PIEZO2: variants seen among roughly 807,000 people sequenced by gnomAD.
The protein encoded by PIEZO2 is piezo-type mechanosensitive ion channel component 2.
PIEZO2 carries 172 observed loss-of-function variants against 337.3 expected under a neutral mutation model. The observed-to-expected ratio is 0.51, with a 90% CI of 0.45 to 0.58. The LOEUF is 0.58. PIEZO2 is among the 20% of genes least tolerant of loss of function. The pLI, the probability that PIEZO2 is intolerant of heterozygous loss-of-function variation, is 0.00. For missense variants in PIEZO2, 3,028 were observed against 3,391.3 expected (o/e 0.89, Z 2.66); for synonymous variants, 1,251 against 1,228.5 (o/e 1.02, Z -0.38).
At chr18:11,137,624 T>C (rs1316647868) in intron 1 of PIEZO2, among the ~76,000 whole-genome samples, 1 of 152,200 alleles carries the variant, frequency 6.6e-6, no homozygotes, top group Non-Finnish European at 1.5e-5. Context: ...TCCGTGTACC[T>C]GCAGCAATGC....
chr18:10,704,792 C>A, intron 41 of PIEZO2, 140 bp from the exon 42 acceptor site: 2 of 1,035,328 alleles, frequency 1.9e-6, no homozygotes, highest in South Asian at 3.4e-5. Flanking sequence ...TCAAGCCATT[C>A]TCCTGCTTCA....
intron 54 of PIEZO2, among the ~76,000 whole-genome samples, chr18:10,674,264 CT>C (rs1271827757): frequency 9.2e-5 from 14 of 152,342 alleles, no homozygotes; most frequent in South Asian, 4.1e-4. Flanking sequence ...TCAGGAAGAG[CT>C]TGTGGAGGGA....
intron 2 of PIEZO2, among the ~76,000 whole-genome samples, chr18:11,015,746 C>T (rs1363432017): frequency 2.6e-5 from 4 of 152,068 alleles, no homozygotes; most frequent in Non-Finnish European, 5.9e-5. Context: ...GGTATTTATA[C>T]TTAAGATCTG....
chr18:10,747,392 G>A lies in PIEZO2; in HGVS notation c.4424+1079C>T, dbSNP rs907553827. ...ATATAAGGACCTCTACAGACCAAATGTTTTGGGAAAGGCAAACAAGATGCA... is the reference window on the plus strand; with the variant it reads ...ATATAAGGACCTCTACAGACCAAATATTTTGGGAAAGGCAAACAAGATGCA... On this transcript the variant is annotated intron_variant, in intron 30 of 55. Transcript: ENST00000674853. 5.9e-5 allele frequency among the ~76,000 whole-genome samples: 9 copies of A among 152,266 alleles called. No homozygotes were observed. The East Asian group carries it at 1.7e-3, about 29-fold the overall frequency.
At chr18:10,975,204 T>C (rs1272498038) in intron 3 of PIEZO2, among the ~76,000 whole-genome samples, 1 of 152,216 alleles carries the variant, frequency 6.6e-6, no homozygotes. Context: ...TTTCAATGAA[T>C]AGCATGCTTT....
intron 2 of PIEZO2, among the ~76,000 whole-genome samples, chr18:11,043,256 C>T (rs1319258648): frequency 6.6e-6 from 1 of 152,026 alleles, no homozygotes; most frequent in Non-Finnish European, 1.5e-5. Context: ...CACACACACA[C>T]ACACACACAC....
intron 3 of PIEZO2, among the ~76,000 whole-genome samples, chr18:10,970,635 C>A (rs928567973): frequency 6.8e-6 from 1 of 146,536 alleles, no homozygotes; most frequent in Non-Finnish European, 1.5e-5. Context: ...TGATTTAGAG[C>A]AAAACTTAGA....
chr18:10,812,482 T>TG, intron 7 of PIEZO2, among the ~76,000 whole-genome samples: 1 of 152,262 alleles, frequency 6.6e-6, no homozygotes, highest in African/African-American at 2.4e-5. Context: ...ACGCTATTTA[T>TG]AGATATAACA....
Position 10,982,219 on chromosome 18 carries a change from C to T in PIEZO2, c.161-2559G>A, listed in dbSNP as rs556268414. Among the ~76,000 whole-genome samples, 40 of 152,128 alleles carry T rather than the reference C, an allele frequency of 2.6e-4. No individual in the cohort carries two copies. The highest frequency in any genetic ancestry group is 9.4e-4 in the African/African-American group (39 of 41,516). ...GTAAATATCCATTACTAGGTGTATT[C>T]GGGTTCTCTAGAGGGACAGGACTAA... On this transcript the variant is annotated intron_variant, in intron 2 of 55. Coordinates refer to ENST00000674853, the MANE Select transcript of PIEZO2 (RefSeq NM_001378183.1). The surrounding 1 kb of genome is among the most constrained non-coding windows in gnomAD (Gnocchi z 4.1).
At chr18:10,758,871 G>T (rs973856323) in intron 26 of PIEZO2, among the ~76,000 whole-genome samples, 1 of 152,212 alleles carries the variant, frequency 6.6e-6, no homozygotes, top group African/African-American at 2.4e-5. Flanking sequence ...AAGGGCTGAG[G>T]CCAAGCCTGC....
intron 2 of PIEZO2, among the ~76,000 whole-genome samples, chr18:11,065,151 C>T (rs1447234590): frequency 6.6e-6 from 1 of 152,076 alleles, no homozygotes; most frequent in African/African-American, 2.4e-5. Context: ...ATGAAGTTTA[C>T]AGAGAATGAG....
chr18:10,789,030 A>G (rs1391765715), intron 15 of PIEZO2, 49 bp downstream of exon 15: 2 of 1,488,658 alleles, frequency 1.3e-6, no homozygotes, highest in South Asian at 1.3e-5. Flanking sequence ...TAGCTCATGT[A>G]TACTCCTGGG....
At chr18:10,688,432 G>C (rs987763764) in intron 49 of PIEZO2, among the ~76,000 whole-genome samples, 2 of 152,182 alleles carry the variant, frequency 1.3e-5, no homozygotes, top group African/African-American at 2.4e-5. Context: ...TAGTTTGTTA[G>C]CAGCAACAGA....
rs2036736406 is a variant in PIEZO2, at chr18:11,031,469, T to C, written c.160+34658A>G. On this transcript the variant is annotated intron_variant, in intron 2 of 55. Coordinates refer to ENST00000674853, the MANE Select transcript of PIEZO2 (RefSeq NM_001378183.1). The surrounding 1 kb of genome is among the most constrained non-coding windows in gnomAD (Gnocchi z 4.7). ...CACTACTAGAGTGTTTTCATTTTGG[T>C]TTAGTTATTTCTTCAAAATAGCTGA... Among the ~76,000 whole-genome samples, 2 of 152,228 alleles carry C rather than the reference T, an allele frequency of 1.3e-5. No homozygotes were observed. The highest frequency in any genetic ancestry group is 6.5e-5 in the Admixed American group (1 of 15,284).
chr18:10,906,766 GCCC>G (rs1280511149), intron 4 of PIEZO2, among the ~76,000 whole-genome samples: 1 of 152,034 alleles, frequency 6.6e-6, no homozygotes, highest in African/African-American at 2.4e-5. Flanking sequence ...TCACCATGTT[GCCC>G]AGGCTGGTCT....
Position 11,035,063 on chromosome 18 carries a change from G to C in PIEZO2, c.160+31064C>G, listed in dbSNP as rs2036877583. Among the ~76,000 whole-genome samples the C allele has an allele frequency of 6.6e-6, 1 of 152,146 alleles. No individual in the cohort carries two copies. The highest frequency in any genetic ancestry group is 1.5e-5 in the Non-Finnish European group (1 of 68,024). On this transcript the variant is annotated intron_variant, in intron 2 of 55. Coordinates refer to ENST00000674853, the MANE Select transcript of PIEZO2 (RefSeq NM_001378183.1). The surrounding 1 kb of genome is among the most constrained non-coding windows in gnomAD (Gnocchi z 4.3). Reference sequence around the variant, plus strand: ...AGCAACCCCAGTTCCCAAATGCATGGCAAGCTCATTCACTTTCGAAATCAA... The same window carrying C: ...AGCAACCCCAGTTCCCAAATGCATGCCAAGCTCATTCACTTTCGAAATCAA...
chr18:11,024,473 G>A (rs1489249447), intron 2 of PIEZO2, among the ~76,000 whole-genome samples: 1 of 150,346 alleles, frequency 6.7e-6, no homozygotes, highest in African/African-American at 2.4e-5. Context: ...GTGAACCCGG[G>A]AGGCGGAGCT....
rs1215948371 is a variant in PIEZO2, at chr18:10,705,324, C to T, written c.5999+12G>A. ...TGGGGATATGTGTCTGATCTGTTCA[C>T]TGGACCCTTACTTTTTCAGCAGCAG... On this transcript the variant is annotated intron_variant, in intron 41 of 55. Transcript: ENST00000674853. 2 of 1,524,458 alleles carry T rather than the reference C, an allele frequency of 1.3e-6. No individual in the cohort carries two copies. Among genetic ancestry groups the T allele is most frequent in the Non-Finnish European group, 1.8e-6 (2 of 1,140,200 alleles). The allele number at this position is 1,524,458 out of a possible 1,614,324, so 94.4% of individuals were successfully genotyped here.
rs943394767 is a variant in PIEZO2 at position 10,954,060 on chromosome 18, C to G, written c.286+25475G>C. On this transcript the variant is annotated intron_variant, in intron 3 of 55. Transcript: ENST00000674853. The surrounding 1 kb of genome is among the most constrained non-coding windows in gnomAD (Gnocchi z 4.2). The stretch of plus-strand genomic sequence containing the variant: ...CTTGAGGCTTAAAAATATAAGACAG[C>G]CTGTGAAATTTTAGGCCTTACACTA... Among the ~76,000 whole-genome samples the G allele has an allele frequency of 6.6e-6, 1 of 152,104 alleles. No homozygotes were observed. Among genetic ancestry groups the G allele is most frequent in the African/African-American group, 2.4e-5 (1 of 41,402 alleles).
Sources: allele counts gnomAD v4.1 joint callset (sites outside exome capture counted in the v4.1 genomes callset), GRCh38; gene constraint gnomAD v4.1.1; non-coding constraint Gnocchi (gnomAD v3.1); transcripts MANE v1.5; gene names NCBI Gene and HGNC (gene_info 2026-07-23, HGNC 2026-07-21).